The following CCL11 variants were observed in gnomAD, a reference collection of about 807,000 sequenced individuals.
CCL11 encodes eotaxin.
In CCL11, 7 loss-of-function variants were observed where a neutral mutation model predicts 7.3. The observed-to-expected ratio is 0.96, with a 90% CI of 0.55 to 1.81. The LOEUF (loss-of-function observed/expected upper bound fraction) is 1.81. Among genes scored for constraint, CCL11 ranks in the 40% most tolerant of loss-of-function variants. The probability of loss-of-function intolerance (pLI) is 0.00; values close to 1 mark genes in which losing one functional copy is unlikely to be tolerated. For missense variants in CCL11, 132 were observed against 114.2 expected, an observed-to-expected ratio of 1.16 and a Z score of -0.71; for synonymous variants, 66 against 45.2, an observed-to-expected ratio of 1.46 and a Z score of -1.84.
At chr17:34,286,287 CA>C (rs1908630074) in intron 1 of CCL11, among the ~76,000 whole-genome samples, 1 of 152,140 alleles carries the variant, frequency 6.6e-6, no homozygotes, top group Admixed American at 6.5e-5. Flanking sequence ...AACGAGGTCC[CA>C]GGGGGATCTC....
At chr17:34,285,946 C>A in intron 1 of CCL11, 62 bp downstream of exon 1, 3 of 1,154,434 alleles carry the variant, frequency 2.6e-6, no homozygotes, top group Non-Finnish European at 3.7e-6. Flanking sequence ...ACTAGGTCAG[C>A]AAGAATCTTT....
rs760842705 is a variant in CCL11, at chr17:34,285,802, C to T, written c.-7C>T. ...TCACGCCAAAGCTCACACCTTCAGC[C>T]TCCAACATGAAGGTCTCCGCAGCAC... is the stretch of plus-strand genomic sequence containing the variant. On this transcript the variant is annotated 5_prime_UTR_variant, in exon 1 of 3. Coordinates refer to ENST00000305869, the MANE Select transcript of CCL11 (RefSeq NM_002986.3). The T allele has an allele frequency of 3.1e-6, 5 of 1,609,444 alleles. No homozygotes were observed. Among genetic ancestry groups the T allele is most frequent in the Admixed American group, 1.7e-5 (1 of 59,430 alleles).
rs753778448 is a variant in CCL11 at position 34,287,136 on chromosome 17, G to A, written c.117G>A (p.Arg39=). The A allele has an allele frequency of 6.2e-7, 1 of 1,613,766 alleles. No individual in the cohort carries two copies. Among genetic ancestry groups the A allele is most frequent in the African/African-American group, 1.3e-5 (1 of 74,844 alleles). The part of the protein sequence containing the change: ...PTTCCFNLAN[R]KIPLQRLESY... ...CCTGCTGCTTTAACCTGGCCAATAG[G>A]AAGATACCCCTTCAGCGACTAGAGA... The change falls in exon 2 of 3, where the codon AGG becomes AGA. Residue 39 remains arginine, a synonymous_variant. Coordinates refer to ENST00000305869, the MANE Select transcript of CCL11 (RefSeq NM_002986.3).
intron 1 of CCL11, among the ~76,000 whole-genome samples, chr17:34,286,767 AG>A (rs1908644130): frequency 6.6e-6 from 1 of 152,248 alleles, no homozygotes; most frequent in South Asian, 2.1e-4. Context: ...CTCAAAACAG[AG>A]GATGGAGAAT....
chr17:34,287,055 C>T (rs1597595139), intron 1 of CCL11, 41 bp from the exon 2 acceptor site: 1 of 1,337,522 alleles, frequency 7.5e-7, no homozygotes, highest in Non-Finnish European at 1.1e-6. Flanking sequence ...CATCATGTGG[C>T]TCATTTTTTT....
intron 1 of CCL11, 100 bp downstream of exon 1, chr17:34,285,984 A>C: frequency 1.3e-6 from 1 of 776,474 alleles, no homozygotes. Flanking sequence ...TCTCCATTTG[A>C]AAAATAGGGA....
chr17:34,286,607 A>C (rs1341625980), intron 1 of CCL11, among the ~76,000 whole-genome samples: 2 of 152,254 alleles, frequency 1.3e-5, no homozygotes, highest in Admixed American at 6.5e-5. Context: ...ACTGTGATAA[A>C]GCAGAAGAAA....
rs1245961040 is a variant in CCL11, at chr17:34,287,967, G to A, written c.*277G>A. 1.7e-5 allele frequency: 3 copies of A among 173,608 alleles called. No homozygotes were observed. The highest frequency in any genetic ancestry group is 3.6e-5 in the Non-Finnish European group (3 of 83,134). The allele number at this position is 173,608 out of a possible 1,614,324, so 10.8% of individuals were successfully genotyped here. ...CAATTCGATCCCCTGTCACGTGTGG[G>A]CAATGTTCCCCCTCTCCTCTCTTCC... On this transcript the variant is annotated 3_prime_UTR_variant, in exon 3 of 3. Coordinates refer to ENST00000305869, the MANE Select transcript of CCL11 (RefSeq NM_002986.3).
intron 1 of CCL11, 70 bp from the exon 2 acceptor site, chr17:34,287,026 C>A: frequency 9.8e-7 from 1 of 1,019,150 alleles, no homozygotes; most frequent in Non-Finnish European, 1.5e-6. Context: ...CAAAGTCATG[C>A]TTGGAAATGT....
At chr17:34,286,678 T>C (rs1908641722) in intron 1 of CCL11, among the ~76,000 whole-genome samples, 1 of 152,214 alleles carries the variant, frequency 6.6e-6, no homozygotes, top group Admixed American at 6.5e-5. Flanking sequence ...CATCACTTTG[T>C]CTCCTTCTTT....
chr17:34,286,293 G>A (rs1908630298), intron 1 of CCL11, among the ~76,000 whole-genome samples: 1 of 152,136 alleles, frequency 6.6e-6, no homozygotes, highest in South Asian at 2.1e-4. Flanking sequence ...GTCCCAGGGG[G>A]ATCTCTTGAG....
Position 34,287,181 on chromosome 17 carries a change from T to C in CCL11, c.162T>C (p.Ser54=), listed in dbSNP as rs781762601. Residue 54 remains serine (S), a synonymous_variant, in exon 2 of 3, where the codon AGT becomes AGC. Transcript: ENST00000305869. The stretch of plus-strand genomic sequence containing the variant: ...TAGAGAGCTACAGGAGAATCACCAG[T>C]GGCAAATGTCCCCAGAAAGCTGTGA... ...QRLESYRRIT[S]GKCPQKAVIF... 11 of 1,613,568 alleles carry C rather than the reference T, an allele frequency of 6.8e-6. No homozygotes were observed. Among genetic ancestry groups the C allele is most frequent in the Non-Finnish European group, 8.5e-6 (10 of 1,179,640 alleles).
At position 34,285,830 on chromosome 17, in the gene CCL11, C is replaced by T. The variant is rs201936607; in HGVS notation, c.22C>T (p.Leu8=). 5.6e-6 allele frequency: 9 copies of T among 1,613,100 alleles called. No homozygotes were observed. Among genetic ancestry groups the T allele is most frequent in the Non-Finnish European group, 7.6e-6 (9 of 1,179,554 alleles). The part of the protein sequence containing the change: MKVSAAL[L]WLLLIAAAFS... Reference sequence around the variant, plus strand: ...CAACATGAAGGTCTCCGCAGCACTTCTGTGGCTGCTGCTCATAGCAGCTGC... The same window carrying T: ...CAACATGAAGGTCTCCGCAGCACTTTTGTGGCTGCTGCTCATAGCAGCTGC... The change falls in exon 1 of 3, where the codon CTG becomes TTG. Residue 8 remains leucine (L), a synonymous_variant. Transcript: ENST00000305869.
Position 34,288,157 on chromosome 17 carries a change from G to A in CCL11, c.*467G>A, listed in dbSNP as rs1300276500. 6.6e-6 allele frequency: 1 copy of A among 152,574 alleles called. No individual in the cohort carries two copies. The highest frequency in any genetic ancestry group is 1.5e-5 in the Non-Finnish European group (1 of 68,280). The allele number at this position is 152,574 out of a possible 1,614,324, so 9.5% of individuals were successfully genotyped here. A position where few individuals can be genotyped will look rare whatever the true frequency, so the allele number is the denominator to read the frequency against. On this transcript the variant is annotated 3_prime_UTR_variant, in exon 3 of 3. Transcript: ENST00000305869. ...GTCACTAGTTGTAATTTTTTTGTGG[G>A]AAATCCACACTGAGCTGAGGGGGAC...
Position 34,285,823 on chromosome 17 carries a change from A to G in CCL11, c.15A>G (p.Ala5=). 3 of 1,613,084 alleles carry G rather than the reference A, an allele frequency of 1.9e-6. No homozygotes were observed. The highest frequency in any genetic ancestry group is 2.2e-5 in the East Asian group (1 of 44,796). MKVS[A]ALLWLLLIAA... Reference sequence around the variant, plus strand: ...CAGCCTCCAACATGAAGGTCTCCGCAGCACTTCTGTGGCTGCTGCTCATAG... The same window carrying G: ...CAGCCTCCAACATGAAGGTCTCCGCGGCACTTCTGTGGCTGCTGCTCATAG... The change falls in exon 1 of 3, where the codon GCA becomes GCG. Residue 5 remains alanine, a synonymous_variant. Coordinates refer to ENST00000305869, the MANE Select transcript of CCL11 (RefSeq NM_002986.3).
intron 1 of CCL11, 82 bp downstream of exon 1, chr17:34,285,966 C>T (rs2142211352): frequency 1.1e-6 from 1 of 896,382 alleles, no homozygotes; most frequent in Non-Finnish European, 1.7e-6. Context: ...TACAGACTCA[C>T]TGCAAATTCT....
chr17:34,287,186 A>G lies in CCL11; in HGVS notation c.167A>G (p.Lys56Arg), dbSNP rs1908659433. Reference protein sequence around the residue: ...LESYRRITSGKCPQKAVIFKT... With the variant: ...LESYRRITSGRCPQKAVIFKT... ...AGCTACAGGAGAATCACCAGTGGCA[A>G]ATGTCCCCAGAAAGCTGTGATGTAA... The change falls in exon 2 of 3, where the codon AAA (lysine) becomes AGA (arginine). Residue 56 changes from lysine to arginine, a missense_variant. Lys to Arg is a conservative substitution (Grantham distance 26, BLOSUM62 2). Transcript: ENST00000305869. 1 of 1,613,434 alleles carries G rather than the reference A, an allele frequency of 6.2e-7. No individual in the cohort carries two copies.
In CCL11 at chr17:34,287,767, G is replaced by A; in HGVS notation, c.*77G>A. On this transcript the variant is annotated 3_prime_UTR_variant, in exon 3 of 3. Transcript: ENST00000305869. ...TTTCCCTTCTTACAATGCATTCTGAGGTAACCTCATTATCAGTCCAAAGGG... is the reference window on the plus strand; with the variant it reads ...TTTCCCTTCTTACAATGCATTCTGAAGTAACCTCATTATCAGTCCAAAGGG... 1.9e-5 allele frequency: 16 copies of A among 847,808 alleles called. No homozygotes were observed. In the South Asian group the frequency reaches 2.3e-4, roughly 12 times the overall value. 52.5% of individuals were successfully genotyped at this position (847,808 alleles called of 1,614,324 possible).
At position 34,287,724 on chromosome 17, in the gene CCL11, G is replaced by A. The variant is rs200369153; in HGVS notation, c.*34G>A. 5.7e-6 allele frequency: 8 copies of A among 1,409,524 alleles called. No individual in the cohort carries two copies. The highest frequency in any genetic ancestry group is 5.0e-6 in the Non-Finnish European group (5 of 996,462). 87.3% of individuals were successfully genotyped at this position (1,409,524 alleles called of 1,614,324 possible). ...CATTTTTGAAACCAAACCAGAGCCT[G>A]AGTGTTGCCTAATTTGTTTTCCCTT... On this transcript the variant is annotated 3_prime_UTR_variant, in exon 3 of 3. Coordinates refer to ENST00000305869, the MANE Select transcript of CCL11 (RefSeq NM_002986.3).
Sources: gnomAD v4.1 joint callset for allele counts (sites outside exome capture counted in the v4.1 genomes callset) on GRCh38, gnomAD v4.1.1 for gene constraint, MANE v1.5 for transcripts, NCBI Gene and HGNC (gene_info 2026-07-23, HGNC 2026-07-21) for gene names.